The following CLSTN2 variants were observed in gnomAD, a reference collection of about 807,000 sequenced individuals.
The protein encoded by CLSTN2 is calsyntenin 2.
A neutral mutation model predicts 101.2 loss-of-function variants in CLSTN2; 48 were observed. The ratio of observed to expected loss-of-function variants is 0.47; its 90% CI spans 0.38 to 0.60. The LOEUF (loss-of-function observed/expected upper bound fraction) is 0.60. Among genes scored for constraint, CLSTN2 ranks in the 20% least tolerant of loss-of-function variants. The pLI is 0.00. For missense variants in CLSTN2, 1,160 were observed against 1,238.2 expected (o/e 0.94, Z 0.95); for synonymous variants, 481 against 463.6 (o/e 1.04, Z -0.48).
chr3:140,007,738 C>T (rs1179423690), intron 1 of CLSTN2, among the ~76,000 whole-genome samples: 2 of 152,142 alleles, frequency 1.3e-5, no homozygotes, highest in Non-Finnish European at 2.9e-5. Flanking sequence ...GCTAAGTACG[C>T]TCCTTGTGTT....
At chr3:140,379,665 T>G (rs2087958194) in intron 2 of CLSTN2, among the ~76,000 whole-genome samples, 1 of 152,206 alleles carries the variant, frequency 6.6e-6, no homozygotes, top group Non-Finnish European at 1.5e-5. Flanking sequence ...GTATATCCAC[T>G]TTTAGGAATT....
chr3:140,104,862 C>T (rs1388574121), intron 1 of CLSTN2, among the ~76,000 whole-genome samples: 1 of 152,178 alleles, frequency 6.6e-6, no homozygotes, highest in Non-Finnish European at 1.5e-5. Flanking sequence ...ACTGTAGTCC[C>T]AGCTATCCTG....
intron 6 of CLSTN2, among the ~76,000 whole-genome samples, chr3:140,456,493 T>C (rs191722597): frequency 3.8e-4 from 58 of 152,304 alleles, no homozygotes; most frequent in African/African-American, 1.4e-3. Context: ...TCTGTAACTA[T>C]AAAAAATAAG....
chr3:139,977,746 TG>T (rs1251622756), intron 1 of CLSTN2, among the ~76,000 whole-genome samples: 1 of 152,192 alleles, frequency 6.6e-6, no homozygotes, highest in Non-Finnish European at 1.5e-5. Context: ...ACAGGCAGCC[TG>T]GGCATTGCAG....
At chr3:140,107,762 G>T (rs115364925) in intron 1 of CLSTN2, among the ~76,000 whole-genome samples, 164 of 152,264 alleles carry the variant, frequency 1.1e-3, no homozygotes, top group African/African-American at 3.8e-3. Context: ...ACTCTCTAAA[G>T]CTGCTTCCCT....
At chr3:140,182,193 C>T (rs566675186) in intron 2 of CLSTN2, among the ~76,000 whole-genome samples, 1 of 152,174 alleles carries the variant, frequency 6.6e-6, no homozygotes, top group African/African-American at 2.4e-5. Flanking sequence ...TAATAATATT[C>T]GGTTGTATTT....
intron 8 of CLSTN2, among the ~76,000 whole-genome samples, chr3:140,511,914 T>G (rs1934823319): frequency 6.6e-6 from 1 of 152,088 alleles, no homozygotes; most frequent in South Asian, 2.1e-4. Flanking sequence ...TTTTTTCATA[T>G]GTTTGTTGGC....
At chr3:140,133,640 C>T (rs1467972526) in intron 1 of CLSTN2, among the ~76,000 whole-genome samples, 2 of 152,156 alleles carry the variant, frequency 1.3e-5, no homozygotes, top group African/African-American at 4.8e-5. Flanking sequence ...CAGGAGGCTG[C>T]CCTCGTTGCC....
chr3:140,271,419 A>G (rs961701739), intron 2 of CLSTN2, among the ~76,000 whole-genome samples: 1 of 152,200 alleles, frequency 6.6e-6, no homozygotes, highest in Non-Finnish European at 1.5e-5. Context: ...TATTATGTAC[A>G]TGGCAAATAT....
At chr3:140,068,649 A>G (rs931455042) in intron 1 of CLSTN2, among the ~76,000 whole-genome samples, 12 of 152,244 alleles carry the variant, frequency 7.9e-5, no homozygotes, top group Admixed American at 5.2e-4. Flanking sequence ...AAGATGACCA[A>G]TTCCTGATGG....
intron 2 of CLSTN2, among the ~76,000 whole-genome samples, chr3:140,277,043 G>T (rs549831019): frequency 6.6e-6 from 1 of 152,282 alleles, no homozygotes; most frequent in African/African-American, 2.4e-5. Flanking sequence ...GTCTGAGGGG[G>T]CTCATGCCTA....
At chr3:140,501,878 A>C (rs747488018) in intron 8 of CLSTN2, among the ~76,000 whole-genome samples, 1 of 152,206 alleles carries the variant, frequency 6.6e-6, no homozygotes, top group Non-Finnish European at 1.5e-5. Flanking sequence ...ATGATTCTAC[A>C]TTTCTAACCA....
At chr3:140,238,907 G>A (rs1006907707) in intron 2 of CLSTN2, among the ~76,000 whole-genome samples, 1 of 152,150 alleles carries the variant, frequency 6.6e-6, no homozygotes, top group Admixed American at 6.6e-5. Context: ...TGAATTCCAG[G>A]GTTTTAGTTC....
intron 1 of CLSTN2, among the ~76,000 whole-genome samples, chr3:139,964,525 G>A (rs145206989): frequency 2.0e-5 from 3 of 152,266 alleles, no homozygotes; most frequent in African/African-American, 7.2e-5. Context: ...AGGGGGAAGA[G>A]GGCCTTAGTT....
At chr3:140,486,005 G>C (rs1341362395) in intron 8 of CLSTN2, among the ~76,000 whole-genome samples, 1 of 151,926 alleles carries the variant, frequency 6.6e-6, no homozygotes, top group Non-Finnish European at 1.5e-5. Context: ...ACCTCAGTTG[G>C]AAATGCAGAA....
At chr3:140,130,096 T>C (rs1200604158) in intron 1 of CLSTN2, among the ~76,000 whole-genome samples, 1 of 152,188 alleles carries the variant, frequency 6.6e-6, no homozygotes. Context: ...CATGTTGCAA[T>C]GTGACAGCCT....
chr3:140,269,406 T>C (rs941220338), intron 2 of CLSTN2, among the ~76,000 whole-genome samples: 4 of 152,248 alleles, frequency 2.6e-5, no homozygotes, highest in Non-Finnish European at 4.4e-5. Flanking sequence ...CCTGGCACGA[T>C]GGTGCCTGAG....
At chr3:140,329,764 A>T (rs930231707) in intron 2 of CLSTN2, among the ~76,000 whole-genome samples, 1 of 152,204 alleles carries the variant, frequency 6.6e-6, no homozygotes, top group Non-Finnish European at 1.5e-5. Context: ...AGGCATGGGG[A>T]TCTATGGCCA....
intron 1 of CLSTN2, among the ~76,000 whole-genome samples, chr3:140,155,070 C>A (rs913885453): frequency 6.6e-6 from 1 of 152,128 alleles, no homozygotes; most frequent in African/African-American, 2.4e-5. Flanking sequence ...CAGAGCCAAA[C>A]CATATCCACA....
Sources: allele counts gnomAD v4.1 joint callset (sites outside exome capture counted in the v4.1 genomes callset), GRCh38; gene constraint gnomAD v4.1.1; transcripts MANE v1.5; gene names NCBI Gene and HGNC (gene_info 2026-07-23, HGNC 2026-07-21).